ALG6: variants seen among roughly 807,000 people sequenced by gnomAD.
ALG6 encodes the protein ALG6 alpha-1,3-glucosyltransferase, also known as dolichyl pyrophosphate Man9GlcNAc2 alpha-1,3-glucosyltransferase.
ALG6 carries 46 observed loss-of-function variants against 66.6 expected under a neutral mutation model. The ratio of observed to expected loss-of-function variants is 0.69; its 90% CI spans 0.55 to 0.88. The LOEUF (loss-of-function observed/expected upper bound fraction) is 0.88. Ranked by LOEUF, ALG6 falls within the 40% of genes least tolerant of loss-of-function variation. The pLI is 0.00. For synonymous variants in ALG6, 185 were observed against 203.7 expected (o/e 0.91, Z 0.78); for missense variants, 505 against 586.8 (o/e 0.86, Z 1.44).
chr1:63,404,444 G>T lies in ALG6; in HGVS notation c.258-9G>T. 6.2e-7 allele frequency: 1 copy of T among 1,610,830 alleles called. No individual in the cohort carries two copies. Among genetic ancestry groups the T allele is most frequent in the South Asian group, 1.1e-5 (1 of 91,012 alleles). On this transcript the variant is annotated splice_polypyrimidine_tract_variant and intron_variant, in intron 4 of 14. Transcript: ENST00000263440. ...AATGAAGTATCTGTATATATGCTTT[G>T]ATTTGCAGGGCAAAGTTTATAAATC... is the stretch of plus-strand genomic sequence containing the variant.
Position 63,404,537 on chromosome 1 carries a change from A to C in ALG6, c.342A>C (p.Thr114=), listed in dbSNP as rs113591571. Residue 114 remains threonine, a synonymous_variant, in exon 5 of 15, where the codon ACA becomes ACC. Transcript: ENST00000263440. ...AGGCACATAAGCTCTTCATGCGTAC[A>C]ACAGGTAAAAGAGCAATGGGTAGTG... ...ESQAHKLFMR[T]TVLIADLLIY... is the part of the protein sequence containing the mutation. The C allele has an allele frequency of 4.3e-6, 7 of 1,613,176 alleles. No individual in the cohort carries two copies. Among genetic ancestry groups the C allele is most frequent in the African/African-American group, 4.0e-5 (3 of 74,900 alleles).
intron 12 of ALG6, among the ~76,000 whole-genome samples, chr1:63,422,882 G>T (rs1411328686): frequency 6.6e-6 from 1 of 152,016 alleles, no homozygotes; most frequent in Non-Finnish European, 1.5e-5. Context: ...TTGAACCCAG[G>T]AGGTGGAGGT....
rs1557592881 is a variant in ALG6 at position 63,415,968 on chromosome 1, C to A, written c.987+11C>A. On this transcript the variant is annotated intron_variant, in intron 11 of 14. Transcript: ENST00000263440. ...TTCAAATTTACACTGGTAAGTTTTT[C>A]ATTACTTTAGATACTTAATTCTTGC... 2 of 1,556,964 alleles carry A rather than the reference C, an allele frequency of 1.3e-6. No individual in the cohort carries two copies. Among genetic ancestry groups the A allele is most frequent in the African/African-American group, 2.7e-5 (2 of 73,556 alleles).
At chr1:63,414,450 A>G (rs1346506293) in intron 10 of ALG6, among the ~76,000 whole-genome samples, 1 of 151,938 alleles carries the variant, frequency 6.6e-6, no homozygotes, top group East Asian at 1.9e-4. Flanking sequence ...AGGTTTCACC[A>G]TTTTGGCCAG....
At chr1:63,420,800 G>T (rs988165394) in intron 12 of ALG6, among the ~76,000 whole-genome samples, 6 of 151,392 alleles carry the variant, frequency 4.0e-5, no homozygotes, top group African/African-American at 1.5e-4. Flanking sequence ...GGTGGAGGTT[G>T]CAGTGAGCTG....
intron 2 of ALG6, among the ~76,000 whole-genome samples, chr1:63,375,552 G>A (rs1184282356): frequency 4.0e-5 from 6 of 151,288 alleles, no homozygotes; most frequent in African/African-American, 1.5e-4. Context: ...GAGCCACCAC[G>A]CCTGGCCCAT....
intron 8 of ALG6, 57 bp from the exon 9 acceptor site, chr1:63,411,868 AT>A: frequency 1.2e-6 from 2 of 1,611,178 alleles, no homozygotes; most frequent in Admixed American, 3.3e-5. Flanking sequence ...ACTCAGGTTG[AT>A]TTTGCAGAAT....
At chr1:63,372,377 A>G (rs1355165899) in intron 2 of ALG6, among the ~76,000 whole-genome samples, 6 of 152,134 alleles carry the variant, frequency 3.9e-5, no homozygotes, top group Non-Finnish European at 7.4e-5. Flanking sequence ...ATATATATAC[A>G]CAGACACACA....
At chr1:63,435,294 A>G (rs892210124) in intron 14 of ALG6, among the ~76,000 whole-genome samples, 10 of 152,140 alleles carry the variant, frequency 6.6e-5, no homozygotes, top group African/African-American at 1.9e-4. Context: ...CCAGTCCCAT[A>G]TTTCTTAAGT....
chr1:63,407,157 G>C, intron 7 of ALG6, 31 bp downstream of exon 7: 1 of 1,498,436 alleles, frequency 6.7e-7, no homozygotes, highest in Non-Finnish European at 9.3e-7. Context: ...AATGAAGTCA[G>C]TTGCATATTG....
chr1:63,383,232 C>T (rs1290984677), intron 2 of ALG6, among the ~76,000 whole-genome samples: 1 of 152,128 alleles, frequency 6.6e-6, no homozygotes, highest in Non-Finnish European at 1.5e-5. Flanking sequence ...AGTGATTCTC[C>T]TGCCTCAGCC....
intron 4 of ALG6, 47 bp downstream of exon 4, chr1:63,402,390 C>T (rs889239457): frequency 7.8e-7 from 1 of 1,275,428 alleles, no homozygotes; most frequent in African/African-American, 1.5e-5. Context: ...ATGCCCTTGG[C>T]AGATTTAGTA....
chr1:63,389,851 T>G (rs1161762324), intron 2 of ALG6, among the ~76,000 whole-genome samples: 1 of 152,186 alleles, frequency 6.6e-6, no homozygotes. Flanking sequence ...ACTTTGATGG[T>G]CTTGGGTAAC....
intron 2 of ALG6, among the ~76,000 whole-genome samples, chr1:63,394,007 GA>G (rs1648746972): frequency 2.0e-5 from 3 of 152,186 alleles, no homozygotes; most frequent in Admixed American, 2.0e-4. Flanking sequence ...ATATGCTATA[GA>G]AAAGTTAATC....
At chr1:63,411,577 T>A (rs1329959144) in intron 8 of ALG6, among the ~76,000 whole-genome samples, 1 of 152,216 alleles carries the variant, frequency 6.6e-6, no homozygotes, top group Non-Finnish European at 1.5e-5. Context: ...GTTAGAACTT[T>A]GCTGTAGGAT....
intron 12 of ALG6, among the ~76,000 whole-genome samples, chr1:63,426,892 C>A (rs1644617773): frequency 1.3e-5 from 2 of 152,096 alleles, no homozygotes; most frequent in Admixed American, 1.3e-4. Context: ...ATATTGAATG[C>A]ATAAATGGGA....
chr1:63,400,718 G>A lies in ALG6; in HGVS notation c.168-1536G>A, dbSNP rs188962838. Among the ~76,000 whole-genome samples, 42 of 152,160 alleles carry A rather than the reference G, an allele frequency of 2.8e-4. 1 individual carries two copies. In the East Asian group the frequency reaches 7.7e-3, roughly 28 times the overall value. ...CAAATCAAGTTGTATTGGACAAAAT[G>A]TGATTCTTGAATTACTTGATGGTTT... On this transcript the variant is annotated intron_variant, in intron 3 of 14. Transcript: ENST00000263440.
At chr1:63,399,002 C>T (rs1225305068) in intron 3 of ALG6, among the ~76,000 whole-genome samples, 5 of 152,234 alleles carry the variant, frequency 3.3e-5, no homozygotes, top group Admixed American at 2.6e-4. Context: ...CTCAGAGTTT[C>T]GGGAAGGCTA....
In ALG6 at chr1:63,408,841, G is replaced by A. The variant is rs550334096; in HGVS notation, c.494+1715G>A. ...GTCCGCCATGCTGGAATGCAATGGCGTGATTTTGGCTCGCTGCAACCTCTG... is the reference window on the plus strand; with the variant it reads ...GTCCGCCATGCTGGAATGCAATGGCATGATTTTGGCTCGCTGCAACCTCTG... On this transcript the variant is annotated intron_variant, in intron 7 of 14. Transcript: ENST00000263440. 3.1e-3 allele frequency among the ~76,000 whole-genome samples: 469 copies of A among 152,310 alleles called. 3 individuals carry two copies. Among genetic ancestry groups the A allele is most frequent in the Non-Finnish European group, 4.8e-3 (327 of 68,020 alleles).
Sources: gnomAD v4.1 joint callset for allele counts (sites outside exome capture counted in the v4.1 genomes callset) on GRCh38, gnomAD v4.1.1 for gene constraint, MANE v1.5 for transcripts, NCBI Gene and HGNC (gene_info 2026-07-23, HGNC 2026-07-21) for gene names.